Variants in GLDN observed in about 807,000 individuals in gnomAD.
GLDN encodes the protein gliomedin, also known as collomin.
In GLDN, 47 loss-of-function variants were observed where a neutral mutation model predicts 56.5. The ratio of observed to expected loss-of-function variants is 0.83; its 90% CI spans 0.66 to 1.06. The LOEUF (loss-of-function observed/expected upper bound fraction) is 1.06, where lower values mean the gene tolerates loss of function less well. Ranked by LOEUF, GLDN falls within the 50% of genes least tolerant of loss-of-function variation. GLDN has a pLI of 0.00. For synonymous variants in GLDN, 332 were observed against 278.8 expected (o/e 1.19, Z -1.90); for missense variants, 782 against 714.3 (o/e 1.09, Z -1.08).
rs574578328 is a variant in GLDN at position 51,397,535 on chromosome 15, C to A, written c.754C>A (p.Pro252Thr). ...GPPGPPGPPGPPGSRRAKGPR... is the reference protein window; with the variant it reads ...GPPGPPGPPGTPGSRRAKGPR... ...CCCAGGCCCTCCAGGTCCTCCAGGG[C>A]CCCCTGGAAGCAGAAGAGCCAAAGG... The change falls in exon 6 of 10, where the codon CCC becomes ACC. Residue 252 changes from proline to threonine, a missense_variant. Transcript: ENST00000335449. 27 of 1,599,892 alleles carry A rather than the reference C, an allele frequency of 1.7e-5. No homozygotes were observed. Among genetic ancestry groups the A allele is most frequent in the East Asian group, 6.9e-5 (3 of 43,482 alleles).
intron 1 of GLDN, among the ~76,000 whole-genome samples, chr15:51,343,125 C>A (rs1031055535): frequency 2.0e-5 from 3 of 152,194 alleles, no homozygotes; most frequent in Non-Finnish European, 4.4e-5. Flanking sequence ...ACTTCAGAAT[C>A]CTAGGTATTT....
At chr15:51,367,239 C>A (rs550095626) in intron 1 of GLDN, 33 of 152,346 alleles carry the variant, frequency 2.2e-4, no homozygotes, top group African/African-American at 7.7e-4. Context: ...TTCAGGCATG[C>A]ATTTTCAGAT....
chr15:51,379,548 T>A (rs142641966), intron 2 of GLDN, among the ~76,000 whole-genome samples: 1 of 152,238 alleles, frequency 6.6e-6, no homozygotes, highest in Admixed American at 6.5e-5. Flanking sequence ...CATTCTTTTC[T>A]GCTGTTCCAG....
At chr15:51,389,004 C>G (rs1041733444) in intron 4 of GLDN, among the ~76,000 whole-genome samples, 2 of 152,194 alleles carry the variant, frequency 1.3e-5, no homozygotes, top group East Asian at 1.9e-4. Flanking sequence ...CAGTCAGAGA[C>G]AGTTGATTTT....
intron 5 of GLDN, 60 bp from the exon 6 acceptor site, chr15:51,397,410 C>A: frequency 1.3e-6 from 1 of 751,838 alleles, no homozygotes; most frequent in Non-Finnish European, 1.8e-6. Flanking sequence ...CTGTCCCTCT[C>A]TCCCCTTCCC....
At chr15:51,354,661 G>C (rs1186330120) in intron 1 of GLDN, among the ~76,000 whole-genome samples, 1 of 152,210 alleles carries the variant, frequency 6.6e-6, no homozygotes, top group African/African-American at 2.4e-5. Flanking sequence ...AGCCAGACAG[G>C]CCTTCCTGTA....
At position 51,359,854 on chromosome 15, in the gene GLDN, C is replaced by A. The variant is rs1006007338; in HGVS notation, c.364-17595C>A. 2.6e-5 allele frequency among the ~76,000 whole-genome samples: 4 copies of A among 152,000 alleles called. No homozygotes were observed. The East Asian group carries it at 7.8e-4, about 29-fold the overall frequency. The stretch of plus-strand genomic sequence containing the variant: ...ATTAGCCAGGCATGGTGGCAGGCAC[C>A]TGTAGTCCCAGCTGCTTGGGAGGCT... On this transcript the variant is annotated intron_variant, in intron 1 of 9. Transcript: ENST00000335449.
intron 1 of GLDN, among the ~76,000 whole-genome samples, chr15:51,368,145 T>A (rs768759658): frequency 1.6e-4 from 24 of 152,196 alleles, no homozygotes; most frequent in Non-Finnish European, 3.1e-4. Context: ...CCCTTCCCAT[T>A]TGAGCAAGTA....
At chr15:51,355,585 A>G (rs1287705992) in intron 1 of GLDN, among the ~76,000 whole-genome samples, 3 of 144,254 alleles carry the variant, frequency 2.1e-5, no homozygotes, top group Non-Finnish European at 3.0e-5. Flanking sequence ...GTCCAGTGGC[A>G]TGATTTCGGC....
At chr15:51,374,455 G>C (rs2037582045) in intron 1 of GLDN, among the ~76,000 whole-genome samples, 1 of 152,126 alleles carries the variant, frequency 6.6e-6, no homozygotes, top group Non-Finnish European at 1.5e-5. Flanking sequence ...AGCCATAATA[G>C]AAAGTAGAGT....
chr15:51,373,008 G>A (rs1449155626), intron 1 of GLDN, among the ~76,000 whole-genome samples: 1 of 152,134 alleles, frequency 6.6e-6, no homozygotes, highest in Non-Finnish European at 1.5e-5. Context: ...ATTCATGAGG[G>A]TGGAGTTCTG....
intron 1 of GLDN, among the ~76,000 whole-genome samples, chr15:51,376,428 G>C (rs572992675): frequency 2.8e-4 from 43 of 152,340 alleles, no homozygotes; most frequent in African/African-American, 9.9e-4. Context: ...GGGTAGCTCT[G>C]GGTGAGTCAG....
intron 4 of GLDN, among the ~76,000 whole-genome samples, chr15:51,392,729 A>C (rs2038049450): frequency 6.6e-6 from 1 of 152,156 alleles, no homozygotes; most frequent in Non-Finnish European, 1.5e-5. Context: ...GTATCACGTT[A>C]ATTGATCCAT....
chr15:51,367,480 T>A (rs2037429384), intron 1 of GLDN: 1 of 152,276 alleles, frequency 6.6e-6, no homozygotes, highest in Non-Finnish European at 1.5e-5. Flanking sequence ...CACTTGGTAA[T>A]TATTTGTTTA....
intron 6 of GLDN, among the ~76,000 whole-genome samples, chr15:51,399,870 A>C (rs1013085588): frequency 6.6e-6 from 1 of 152,158 alleles, no homozygotes; most frequent in Non-Finnish European, 1.5e-5. Context: ...CAAGCCTCTC[A>C]TTTCCCCAAA....
downstream of GLDN, among the ~76,000 whole-genome samples, chr15:51,409,462 T>G (rs995651855): frequency 8.5e-5 from 13 of 152,314 alleles, no homozygotes; most frequent in South Asian, 1.2e-3. Context: ...AGGTTTTAAA[T>G]AAGGATGAAA....
chr15:51,385,300 G>A (rs1014262192), intron 4 of GLDN: 1 of 152,242 alleles, frequency 6.6e-6, no homozygotes. Flanking sequence ...AGAGCTGGGT[G>A]TGGGGCACGT....
chr15:51,386,538 C>A (rs181410981), intron 4 of GLDN, among the ~76,000 whole-genome samples: 136 of 152,292 alleles, frequency 8.9e-4, no homozygotes, highest in Non-Finnish European at 1.7e-3. Context: ...TTCTGAGGGC[C>A]ATGAGAAGCC....
intron 1 of GLDN, among the ~76,000 whole-genome samples, chr15:51,353,631 A>C (rs939317154): frequency 6.6e-6 from 1 of 151,420 alleles, no homozygotes; most frequent in Admixed American, 6.6e-5. Flanking sequence ...TAGAGAAAGA[A>C]CAATTTTACT....
Sources: allele counts gnomAD v4.1 joint callset (sites outside exome capture counted in the v4.1 genomes callset), GRCh38; gene constraint gnomAD v4.1.1; transcripts MANE v1.5; gene names NCBI Gene and HGNC (gene_info 2026-07-23, HGNC 2026-07-21).